Variants in MACROD2 observed in about 807,000 individuals in gnomAD.
MACROD2 encodes mono-ADP ribosylhydrolase 2, also known as ADP-ribose glycohydrolase MACROD2.
MACROD2 carries 36 observed loss-of-function variants against 70.4 expected under a neutral mutation model. The ratio of observed to expected loss-of-function variants is 0.51; its 90% CI spans 0.39 to 0.68. MACROD2 has a LOEUF of 0.68. MACROD2 is among the 30% of genes least tolerant of loss of function. The pLI is 0.00. For missense variants in MACROD2, 496 were observed against 538.4 expected, an observed-to-expected ratio of 0.92 and a Z score of 0.78; for synonymous variants, 172 against 178.8, an observed-to-expected ratio of 0.96 and a Z score of 0.30.
chr20:14,281,684 C>T (rs1055988327), intron 3 of MACROD2, among the ~76,000 whole-genome samples: 1 of 151,880 alleles, frequency 6.6e-6, no homozygotes, highest in African/African-American at 2.4e-5. Context: ...TGCCTGTAAT[C>T]CCAGCACTTT....
chr20:15,465,500 G>A (rs2046873712), intron 7 of MACROD2, among the ~76,000 whole-genome samples: 1 of 152,266 alleles, frequency 6.6e-6, no homozygotes, highest in South Asian at 2.1e-4. Context: ...TCGGGATGGA[G>A]TTTGCAGAGC....
intron 5 of MACROD2, among the ~76,000 whole-genome samples, chr20:15,176,924 C>A (rs1436516273): frequency 6.6e-6 from 1 of 152,168 alleles, no homozygotes; most frequent in Admixed American, 6.5e-5. Context: ...CCACTATATT[C>A]CCCTCATCTA....
chr20:15,167,698 G>A (rs2076395144), intron 5 of MACROD2, among the ~76,000 whole-genome samples: 1 of 152,100 alleles, frequency 6.6e-6, no homozygotes, highest in South Asian at 2.1e-4. Flanking sequence ...AGTTCAAAGT[G>A]CAAAAAATAT....
chr20:15,686,877 A>G (rs2050232978), intron 8 of MACROD2, among the ~76,000 whole-genome samples: 2 of 151,084 alleles, frequency 1.3e-5, no homozygotes, highest in Non-Finnish European at 3.0e-5. Flanking sequence ...CATCTCAAAA[A>G]AAAAAAAAAA....
chr20:14,530,904 C>T (rs1161945221), intron 4 of MACROD2, among the ~76,000 whole-genome samples: 2 of 152,216 alleles, frequency 1.3e-5, no homozygotes, highest in Admixed American at 6.5e-5. Flanking sequence ...GAGACATAAA[C>T]TTGCGCAGTC....
At chr20:14,244,900 A>G (rs1218106374) in intron 3 of MACROD2, among the ~76,000 whole-genome samples, 1 of 152,230 alleles carries the variant, frequency 6.6e-6, no homozygotes, top group African/African-American at 2.4e-5. Context: ...TGTAGCAAAT[A>G]AAACCCTAAG....
intron 8 of MACROD2, among the ~76,000 whole-genome samples, chr20:15,856,174 T>A (rs2064354491): frequency 6.6e-6 from 1 of 152,212 alleles, no homozygotes; most frequent in Admixed American, 6.5e-5. Context: ...TCAGTCTATA[T>A]CTTTGTCTTA....
intron 5 of MACROD2, among the ~76,000 whole-genome samples, chr20:15,134,303 C>G (rs1304075676): frequency 6.6e-6 from 1 of 150,754 alleles, no homozygotes; most frequent in Non-Finnish European, 1.5e-5. Flanking sequence ...GCGGGCGGAT[C>G]ACGAGGTCAG....
intron 5 of MACROD2, among the ~76,000 whole-genome samples, chr20:14,829,402 G>T (rs1279318457): frequency 1.3e-5 from 2 of 151,822 alleles, no homozygotes; most frequent in African/African-American, 4.8e-5. Flanking sequence ...AGTGCTGGGA[G>T]AACTATTTTT....
In MACROD2 at chr20:15,491,789, C is replaced by T. The variant is rs542690753; in HGVS notation, c.572-7985C>T. Reference sequence around the variant, plus strand: ...GGAGCCCTTGGGTAAAAGGGGCTGGCACCAGAAGGAGCCCTCAGGTAAAAG... The same window carrying T: ...GGAGCCCTTGGGTAAAAGGGGCTGGTACCAGAAGGAGCCCTCAGGTAAAAG... On this transcript the variant is annotated intron_variant, in intron 7 of 17. Coordinates refer to ENST00000684519, the MANE Select transcript of MACROD2 (RefSeq NM_001351661.2). Among the ~76,000 whole-genome samples the T allele has an allele frequency of 1.3e-4, 20 of 151,410 alleles. No homozygotes were observed. The Admixed American group carries it at 1.4e-3, about 10-fold the overall frequency.
chr20:15,258,305 G>T (rs1029999844), intron 6 of MACROD2, among the ~76,000 whole-genome samples: 1 of 152,050 alleles, frequency 6.6e-6, no homozygotes, highest in Non-Finnish European at 1.5e-5. Context: ...ACTGTAATGT[G>T]TGAGGCCTTC....
intron 6 of MACROD2, among the ~76,000 whole-genome samples, chr20:15,354,309 A>T (rs892941722): frequency 1.3e-5 from 2 of 151,992 alleles, no homozygotes; most frequent in African/African-American, 4.8e-5. Context: ...ATGAGAACAC[A>T]TGGACACAGG....
chr20:15,191,179 A>C (rs770670249), intron 5 of MACROD2, among the ~76,000 whole-genome samples: 23 of 152,168 alleles, frequency 1.5e-4, no homozygotes, highest in Non-Finnish European at 3.1e-4. Flanking sequence ...CCTCTGGGCA[A>C]CTATGTAGAA....
intron 8 of MACROD2, among the ~76,000 whole-genome samples, chr20:15,815,650 T>G (rs1464140680): frequency 6.6e-6 from 1 of 152,172 alleles, no homozygotes; most frequent in Non-Finnish European, 1.5e-5. Context: ...AGTTTTGAAA[T>G]TTTTTACTAA....
intron 12 of MACROD2, among the ~76,000 whole-genome samples, chr20:15,948,415 A>AAAAAG (rs1161808584): frequency 1.4e-5 from 2 of 146,582 alleles, no homozygotes; most frequent in Non-Finnish European, 3.0e-5. Flanking sequence ...AAAAAAAAGG[A>AAAAAG]AAAAGAAAAG....
chr20:14,900,920 G>T, intron 5 of MACROD2, among the ~76,000 whole-genome samples: 1 of 151,866 alleles, frequency 6.6e-6, no homozygotes. Context: ...CTAGAAAATT[G>T]AAACCAATTC....
intron 5 of MACROD2, among the ~76,000 whole-genome samples, chr20:15,076,385 A>G (rs1029484095): frequency 7.2e-5 from 11 of 152,304 alleles, no homozygotes; most frequent in African/African-American, 2.4e-4. Context: ...TTATTTCCTT[A>G]GAAAAGATTT....
rs779637476 is a variant in MACROD2 at position 14,085,644 on chromosome 20, C to A, written c.187C>A (p.Gln63Lys). The part of the protein sequence containing the change: ...NDEENTQETS[Q>K]VKKSLTEKVS... ...AGAAGAAAATACTCAGGAAACATCC[C>A]AGGTGAAGAAAAGTTTGACTGAAAA... is the stretch of plus-strand genomic sequence containing the variant. Residue 63 changes from glutamine to lysine, a missense_variant, in exon 3 of 18, where the codon CAG becomes AAG. Physicochemically the swap from Gln to Lys is moderately conservative, Grantham distance 53. Coordinates refer to ENST00000684519, the MANE Select transcript of MACROD2 (RefSeq NM_001351661.2). 5 of 1,576,888 alleles carry A rather than the reference C, an allele frequency of 3.2e-6. No homozygotes were observed. The South Asian group carries it at 4.9e-5, about 15-fold the overall frequency.
In MACROD2 at chr20:15,941,999, G is replaced by C. The variant is rs576394825; in HGVS notation, c.907+4455G>C. On this transcript the variant is annotated intron_variant, in intron 12 of 17. Transcript: ENST00000684519. ...ACAAATAAAAAATAAGATGGCTAAT[G>C]TCACTTTGGAGACCAGATATTTAAA... is the stretch of plus-strand genomic sequence containing the variant. 1.2e-3 allele frequency among the ~76,000 whole-genome samples: 184 copies of C among 152,274 alleles called. 3 individuals are homozygous for C. The highest frequency in any genetic ancestry group is 1.4e-3 in the Non-Finnish European group (94 of 68,014).
Sources: allele counts gnomAD v4.1 joint callset (sites outside exome capture counted in the v4.1 genomes callset), GRCh38; gene constraint gnomAD v4.1.1; transcripts MANE v1.5; gene names NCBI Gene and HGNC (gene_info 2026-07-23, HGNC 2026-07-21).